Variants in ANKLE1 observed in about 807,000 individuals in gnomAD.
ANKLE1 encodes the protein structure-specific endonuclease ANKLE1.
Under a neutral mutation model 56.2 loss-of-function variants are expected in ANKLE1, and 59 were observed. The ratio of observed to expected loss-of-function variants is 1.05; its 90% CI spans 0.85 to 1.30. The LOEUF (loss-of-function observed/expected upper bound fraction) is 1.30. Among genes scored for constraint, ANKLE1 ranks in the 50% most tolerant of loss-of-function variants. ANKLE1 has a pLI of 0.00. For synonymous variants in ANKLE1, 341 were observed against 352.9 expected, an observed-to-expected ratio of 0.97 and a Z score of 0.38; for missense variants, 771 against 816.1, an observed-to-expected ratio of 0.94 and a Z score of 0.67.
In ANKLE1 at chr19:17,286,472, C is replaced by G; in HGVS notation, c.1768C>G (p.Leu590Val). 6.2e-7 allele frequency: 1 copy of G among 1,612,790 alleles called. No homozygotes were observed. The highest frequency in any genetic ancestry group is 8.5e-7 in the Non-Finnish European group (1 of 1,179,820). The change falls in exon 9 of 9, where the codon CTG becomes GTG. Residue 590 changes from leucine (L) to valine (V), a missense_variant. By Grantham distance (32) the Leu-to-Val change is conservative. Coordinates refer to ENST00000404085, the MANE Select transcript of ANKLE1 (RefSeq NM_152363.6). ...TCGTCGCCGGCGCTTGGGGGTGCAC[C>G]TGCTGCACCGTGCCCTCCTTGTCTT... is the stretch of plus-strand genomic sequence containing the variant. Reference protein sequence around the residue: ...PARRRRLGVHLLHRALLVFLA... With the variant: ...PARRRRLGVHVLHRALLVFLA...
At chr19:17,282,448 G>A (rs2073983383) in intron 2 of ANKLE1, 1 of 822,538 alleles carries the variant, frequency 1.2e-6, no homozygotes, top group Middle Eastern at 3.6e-4. Context: ...CAAGGGTTCG[G>A]ATATTGGAGT....
Position 17,285,801 on chromosome 19 carries a change from T to C in ANKLE1, c.1657T>C (p.Cys553Arg), listed in dbSNP as rs760557838. The C allele has an allele frequency of 6.2e-7, 1 of 1,613,642 alleles. No homozygotes were observed. Among genetic ancestry groups the C allele is most frequent in the Non-Finnish European group, 8.5e-7 (1 of 1,179,848 alleles). The change falls in exon 8 of 9, where the codon TGT becomes CGT. Residue 553 changes from cysteine (C) to arginine (R), a missense_variant. By Grantham distance (180) the Cys-to-Arg change is radical. Transcript: ENST00000404085. ...VAVEAYTREA[C>R]IVEALGIQTL... ...TGTGGAGGCTTATACACGGGAGGCG[T>C]GTATTGTGGAAGCCCTAGGTGGGTG...
chr19:17,283,125 T>C (rs976719754), intron 4 of ANKLE1, 100 bp from the exon 5 acceptor site: 13 of 1,546,968 alleles, frequency 8.4e-6, no homozygotes, highest in Non-Finnish European at 1.0e-5. Context: ...GCCAGCTCTT[T>C]CGGCCTCAGA....
In ANKLE1 at chr19:17,286,545, G is replaced by A. The variant is rs142481760; in HGVS notation, c.1841G>A (p.Arg614Gln). Residue 614 changes from arginine (R) to glutamine (Q), a missense_variant, in exon 9 of 9, where the codon CGG becomes CAG. By Grantham distance (43) the Arg-to-Gln change is conservative. Coordinates refer to ENST00000404085, the MANE Select transcript of ANKLE1 (RefSeq NM_152363.6). ...CTTCATCCCCAGGACATCCAGGCCC[G>A]GGGCTGAGTGCTGGGGAGTTGGCCA... ...RQLHPQDIQA[R>Q]G The A allele has an allele frequency of 6.0e-5, 96 of 1,604,150 alleles. No homozygotes were observed. The African/African-American group carries it at 7.9e-4, about 13-fold the overall frequency.
Position 17,286,692 on chromosome 19 carries a change from T to TTTG in ANKLE1, c.*141_*142insTGT, listed in dbSNP as rs2074038720. ...TGTGTGTGTGTGTGTGTGTGTGTGTTTGTGTGTGTGTGTGTGTGTGTAGGG... is the reference window on the plus strand; with the variant it reads ...TGTGTGTGTGTGTGTGTGTGTGTGTTTTGTGTGTGTGTGTGTGTGTGTGTAGGG... On this transcript the variant is annotated 3_prime_UTR_variant, in exon 9 of 9. Transcript: ENST00000404085. 2.7e-5 allele frequency: 25 copies of TTTG among 943,056 alleles called. No individual in the cohort carries two copies. In the African/African-American group the frequency reaches 5.6e-4, roughly 21 times the overall value. 58.4% of individuals were successfully genotyped at this position (943,056 alleles called of 1,614,324 possible).
rs67967763 is a variant in ANKLE1 at position 17,284,684 on chromosome 19, C to CT, written c.1376+437dup. Among the ~76,000 whole-genome samples the CT allele has an allele frequency of 1.7e-3, 154 of 91,936 alleles. 5 individuals carry two copies. The highest frequency in any genetic ancestry group is 8.6e-3 in the Middle Eastern group (1 of 116). 60.3% of individuals were successfully genotyped at this position (91,936 alleles called of 152,430 possible). A position where few individuals can be genotyped will look rare whatever the true frequency, so the allele number is the denominator to read the frequency against. ...CAGGTGTGAGCCACCGCACCGGCCT[C>CT]TTTTTTTTTTTTTTTTTTTGAGGCG... On this transcript the variant is annotated intron_variant, in intron 6 of 8. Coordinates refer to ENST00000404085, the MANE Select transcript of ANKLE1 (RefSeq NM_152363.6).
chr19:17,282,750 C>A lies in ANKLE1; in HGVS notation c.310C>A (p.Leu104Met). 1 of 1,545,784 alleles carries A rather than the reference C, an allele frequency of 6.5e-7. No homozygotes were observed. The highest frequency in any genetic ancestry group is 1.2e-5 in the South Asian group (1 of 84,800). Residue 104 changes from leucine to methionine, a missense_variant, in exon 3 of 9, where the codon CTG becomes ATG. Transcript: ENST00000404085. ...LLLSQGADPALRDQDGLRPLD... is the reference protein window; with the variant it reads ...LLLSQGADPAMRDQDGLRPLD... ...GCTGAGCCAAGGAGCGGACCCGGCGCTGCGCGACCAGGTTGGGAGGCACTG... is the reference window on the plus strand; with the variant it reads ...GCTGAGCCAAGGAGCGGACCCGGCGATGCGCGACCAGGTTGGGAGGCACTG...
intron 6 of ANKLE1, 124 bp downstream of exon 6, chr19:17,284,390 TTTA>T (rs2074009951): frequency 9.5e-7 from 1 of 1,053,692 alleles, no homozygotes. Flanking sequence ...CTTCTTTTTT[TTTA>T]TTTTTTTAAG....
In ANKLE1 at chr19:17,282,753, C is replaced by T. The variant is rs1455902818; in HGVS notation, c.313C>T (p.Arg105Cys). The T allele has an allele frequency of 6.5e-7, 1 of 1,546,640 alleles. No homozygotes were observed. The highest frequency in any genetic ancestry group is 8.7e-7 in the Non-Finnish European group (1 of 1,152,978). The change falls in exon 3 of 9, where the codon CGC (arginine) becomes TGC (cysteine). Residue 105 changes from arginine (R) to cysteine (C), a missense_variant. Coordinates refer to ENST00000404085, the MANE Select transcript of ANKLE1 (RefSeq NM_152363.6). ...GAGCCAAGGAGCGGACCCGGCGCTG[C>T]GCGACCAGGTTGGGAGGCACTGCGC... is the stretch of plus-strand genomic sequence containing the variant. ...LLSQGADPAL[R>C]DQDGLRPLDL...
Position 17,286,786 on chromosome 19 carries a change from T to C in ANKLE1, c.*234T>C, listed in dbSNP as rs1300463648. 3.6e-6 allele frequency: 5 copies of C among 1,386,496 alleles called. No homozygotes were observed. In the African/African-American group the frequency reaches 7.3e-5, roughly 20 times the overall value. The allele number at this position is 1,386,496 out of a possible 1,614,324, so 85.9% of individuals were successfully genotyped here. ...ACAGATGGTACTGCTGGAGAGGTAGTAAGTAGTGAGCTCCCCATCGTGGGA... is the reference window on the plus strand; with the variant it reads ...ACAGATGGTACTGCTGGAGAGGTAGCAAGTAGTGAGCTCCCCATCGTGGGA... On this transcript the variant is annotated 3_prime_UTR_variant, in exon 9 of 9. Transcript: ENST00000404085.
At chr19:17,284,897 C>T (rs904563850) in intron 6 of ANKLE1, among the ~76,000 whole-genome samples, 2 of 151,726 alleles carry the variant, frequency 1.3e-5, no homozygotes, top group African/African-American at 2.4e-5. Context: ...CCATGTTGGC[C>T]AGGCTGGTCT....
Position 17,285,704 on chromosome 19 carries a change from G to C in ANKLE1, c.1560G>C (p.Val520=). Residue 520 remains valine (V), a synonymous_variant, in exon 8 of 9, where the codon GTG becomes GTC. Transcript: ENST00000404085. The part of the protein sequence containing the change: ...RKQPHQACPK[V]RQILDIWASG... The stretch of plus-strand genomic sequence containing the variant: ...AGCCCCACCAGGCCTGCCCCAAGGT[G>C]CGTCAGATCTTGGACATCTGGGCCA... 6.2e-7 allele frequency: 1 copy of C among 1,613,976 alleles called. No homozygotes were observed. The highest frequency in any genetic ancestry group is 8.5e-7 in the Non-Finnish European group (1 of 1,179,904).
At position 17,282,978 on chromosome 19, in the gene ANKLE1, C is replaced by T. The variant is rs764046665; in HGVS notation, c.436C>T (p.Gln146Ter). ...CCGGACCCGGATCGGGGCAGAGACT[C>T]AGGAGCCCGAGCCTGCACCTGGCAG... ...RTRTRIGAETQEPEPAPGTPG... is the reference protein window; with the variant it reads ...RTRTRIGAET The change falls in exon 4 of 9, where the codon CAG (glutamine) becomes TAG (stop). Residue 146 changes from glutamine to a stop codon, truncating the protein, a stop_gained. Coordinates refer to ENST00000404085, the MANE Select transcript of ANKLE1 (RefSeq NM_152363.6). LOFTEE classifies it high-confidence loss of function. 63 of 1,564,344 alleles carry T rather than the reference C, an allele frequency of 4.0e-5. No homozygotes were observed. In the South Asian group the frequency reaches 6.7e-4, roughly 17 times the overall value.
rs200377044 is a variant in ANKLE1, at chr19:17,285,835, C to T, written c.1675+16C>T. The T allele has an allele frequency of 2.7e-4, 428 of 1,612,622 alleles. No homozygotes were observed. Among genetic ancestry groups the T allele is most frequent in the Non-Finnish European group, 3.5e-4 (416 of 1,179,726 alleles). ...GAAGCCCTAGGTGGGTGCCTGGTACCTAGAATGGGGGTCATATGAAAGGCA... is the reference window on the plus strand; with the variant it reads ...GAAGCCCTAGGTGGGTGCCTGGTACTTAGAATGGGGGTCATATGAAAGGCA... On this transcript the variant is annotated intron_variant, in intron 8 of 8. Transcript: ENST00000404085.
intron 3 of ANKLE1, 43 bp from the exon 4 acceptor site, chr19:17,282,821 G>A (rs999256474): frequency 1.3e-6 from 2 of 1,582,652 alleles, no homozygotes; most frequent in East Asian, 4.5e-5. Context: ...GGGAAGGAAG[G>A]TAAGAGGGCC....
rs141599824 is a variant in ANKLE1 at position 17,285,454 on chromosome 19, G to C, written c.1400G>C (p.Arg467Pro). The change falls in exon 7 of 9, where the codon CGA (arginine) becomes CCA (proline). Residue 467 changes from arginine (R) to proline (P), a missense_variant. Arg to Pro is a moderately radical substitution (Grantham distance 103, BLOSUM62 -2). Coordinates refer to ENST00000404085, the MANE Select transcript of ANKLE1 (RefSeq NM_152363.6). ...DPRETQDLPA[R>P]AFSLTPAERL... ...AGGGAGACTCAGGACCTGCCAGCCC[G>C]AGCCTTCTCACTGACCCCAGCTGAG... The C allele has an allele frequency of 2.5e-6, 4 of 1,613,602 alleles. No individual in the cohort carries two copies. Among genetic ancestry groups the C allele is most frequent in the Non-Finnish European group, 3.4e-6 (4 of 1,179,864 alleles).
chr19:17,282,134 C>T lies in ANKLE1; in HGVS notation c.140C>T (p.Ala47Val). Residue 47 changes from alanine to valine, a missense_variant, in exon 2 of 9, where the codon GCG (alanine) becomes GTG (valine). Transcript: ENST00000404085. Reference sequence around the variant, plus strand: ...GACGGCGCAGCGGCTGTGCACTTGGCGGCCGGAGCCCGGCACCCGCGCGGC... The same window carrying T: ...GACGGCGCAGCGGCTGTGCACTTGGTGGCCGGAGCCCGGCACCCGCGCGGC... ...LEDGAAAVHLAAGARHPRGLR... is the reference protein window; with the variant it reads ...LEDGAAAVHLVAGARHPRGLR... 1 of 1,539,444 alleles carries T rather than the reference C, an allele frequency of 6.5e-7. No individual in the cohort carries two copies. The highest frequency in any genetic ancestry group is 1.2e-5 in the South Asian group (1 of 83,864).
Position 17,286,455 on chromosome 19 carries a change from G to A in ANKLE1, c.1751G>A (p.Arg584Gln), listed in dbSNP as rs763721240. ...GCAGGCTGGCCACCTGCTCGTCGCC[G>A]GCGCTTGGGGGTGCACCTGCTGCAC... ...VVAGWPPARR[R>Q]RLGVHLLHRA... The change falls in exon 9 of 9, where the codon CGG becomes CAG. Residue 584 changes from arginine to glutamine, a missense_variant. Transcript: ENST00000404085. 5.6e-5 allele frequency: 91 copies of A among 1,611,910 alleles called. No individual in the cohort carries two copies. The highest frequency in any genetic ancestry group is 9.3e-5 in the African/African-American group (7 of 74,918).
In ANKLE1 at chr19:17,282,216, T is replaced by C. The variant is rs1032364207; in HGVS notation, c.215+7T>C. The C allele has an allele frequency of 1.3e-6, 2 of 1,486,146 alleles. No individual in the cohort carries two copies. The highest frequency in any genetic ancestry group is 4.6e-5 in the Admixed American group (2 of 43,924). 92.1% of individuals were successfully genotyped at this position (1,486,146 alleles called of 1,614,324 possible). On this transcript the variant is annotated splice_region_variant and intron_variant, in intron 2 of 8. Transcript: ENST00000404085. ...GCGGGGACCCCAACGCTCGGTAAGA[T>C]AGAGCCTGGGTCCGGGGCGGGGTCT...
Sources: gnomAD v4.1 joint callset for allele counts (sites outside exome capture counted in the v4.1 genomes callset) on GRCh38, gnomAD v4.1.1 for gene constraint, MANE v1.5 for transcripts, NCBI Gene and HGNC (gene_info 2026-07-23, HGNC 2026-07-21) for gene names.